Variants in PIEZO2 observed in about 807,000 individuals in gnomAD.
The protein encoded by PIEZO2 is piezo-type mechanosensitive ion channel component 2.
A neutral mutation model predicts 337.3 loss-of-function variants in PIEZO2; 172 were observed. The observed-to-expected ratio is 0.51, with a 90% CI of 0.45 to 0.58. PIEZO2 has a LOEUF of 0.58. Ranked by LOEUF, PIEZO2 falls within the 20% of genes least tolerant of loss-of-function variation. The pLI is 0.00. For synonymous variants in PIEZO2, 1,251 were observed against 1,228.5 expected (o/e 1.02, Z -0.38); for missense variants, 3,028 against 3,391.3 (o/e 0.89, Z 2.66).
rs1037821334 is a variant in PIEZO2, at chr18:10,988,949, G to A, written c.161-9289C>T. 1.1e-4 allele frequency among the ~76,000 whole-genome samples: 17 copies of A among 152,008 alleles called. No individual in the cohort carries two copies. The highest frequency in any genetic ancestry group is 4.1e-4 in the African/African-American group (17 of 41,392). On this transcript the variant is annotated intron_variant, in intron 2 of 55. Coordinates refer to ENST00000674853, the MANE Select transcript of PIEZO2 (RefSeq NM_001378183.1). This position sits in a 1 kb window ranked among gnomAD's most constrained non-coding sequence, Gnocchi z 4.8. ...GGGGGTGGAGAGCAGGGAAATGGGA[G>A]GCAATTGTCAAAAGGTACAAAGTTT...
rs140642810 is a variant in PIEZO2 at position 10,953,855 on chromosome 18, A to C, written c.286+25680T>G. Among the ~76,000 whole-genome samples the C allele has an allele frequency of 6.6e-6, 1 of 152,230 alleles. No individual in the cohort carries two copies. Among genetic ancestry groups the C allele is most frequent in the Non-Finnish European group, 1.5e-5 (1 of 68,036 alleles). On this transcript the variant is annotated intron_variant, in intron 3 of 55. Transcript: ENST00000674853. The surrounding 1 kb of genome is among the most constrained non-coding windows in gnomAD (Gnocchi z 5.2). ...GCAGCAAGAGAGAGGCAGGCTTTGA[A>C]TATCAACAGCACAGGGTGCCCCTGG...
intron 2 of PIEZO2, among the ~76,000 whole-genome samples, chr18:11,011,129 T>A (rs945516998): frequency 1.3e-5 from 2 of 152,236 alleles, no homozygotes; most frequent in Non-Finnish European, 2.9e-5. Flanking sequence ...TCCTAAAGAC[T>A]GCAATGGGAC....
In PIEZO2 at chr18:10,895,672, G is replaced by A. The variant is rs1005084148; in HGVS notation, c.329+15514C>T. On this transcript the variant is annotated intron_variant, in intron 4 of 55. Coordinates refer to ENST00000674853, the MANE Select transcript of PIEZO2 (RefSeq NM_001378183.1). The surrounding 1 kb of genome is among the most constrained non-coding windows in gnomAD (Gnocchi z 4.8). ...CCTCAGTTTAACACCTGGGAAATGGGGCGCTCCCTCTGACCTGCACATTTC... is the reference window on the plus strand; with the variant it reads ...CCTCAGTTTAACACCTGGGAAATGGAGCGCTCCCTCTGACCTGCACATTTC... 6.6e-6 allele frequency among the ~76,000 whole-genome samples: 1 copy of A among 152,086 alleles called. No homozygotes were observed. The highest frequency in any genetic ancestry group is 6.6e-5 in the Admixed American group (1 of 15,266).
In PIEZO2 at chr18:10,872,620, C is replaced by A. The variant is rs570604344; in HGVS notation, c.330-1205G>T. Among the ~76,000 whole-genome samples, 34 of 152,258 alleles carry A rather than the reference C, an allele frequency of 2.2e-4. No homozygotes were observed. The highest frequency in any genetic ancestry group is 6.0e-4 in the African/African-American group (25 of 41,544). On this transcript the variant is annotated intron_variant, in intron 4 of 55. Transcript: ENST00000674853. The surrounding 1 kb of genome is among the most constrained non-coding windows in gnomAD (Gnocchi z 4.3). ...TCCCTCATCCGGTGCTAGATGCCTG[C>A]CCTGTGTGCCTTTGCAACACTGAGC... is the stretch of plus-strand genomic sequence containing the variant.
At position 10,783,121 on chromosome 18, in the gene PIEZO2, G is replaced by A. The variant is rs573965521; in HGVS notation, c.2492+1663C>T. 2.6e-5 allele frequency among the ~76,000 whole-genome samples: 4 copies of A among 152,014 alleles called. No individual in the cohort carries two copies. Among genetic ancestry groups the A allele is most frequent in the South Asian group, 2.1e-4 (1 of 4,812 alleles). The stretch of plus-strand genomic sequence containing the variant: ...AAAAAAAAATGAATATGCAAGAGAA[G>A]AAATGGCATTTGGAAGAAAAAAAAG... On this transcript the variant is annotated intron_variant, in intron 17 of 55. Transcript: ENST00000674853. The surrounding 1 kb of genome is among the most constrained non-coding windows in gnomAD (Gnocchi z 4.3).
chr18:11,078,024 G>A lies in PIEZO2; in HGVS notation c.65-11802C>T, dbSNP rs1031365616. The stretch of plus-strand genomic sequence containing the variant: ...CACATACACGCAAAAACACATGTGC[G>A]TGCACACACACCCACACACACCCAC... On this transcript the variant is annotated intron_variant, in intron 1 of 55. Transcript: ENST00000674853. This position sits in a 1 kb window ranked among gnomAD's most constrained non-coding sequence, Gnocchi z 5.3. 7.1e-6 allele frequency among the ~76,000 whole-genome samples: 1 copy of A among 140,202 alleles called. No individual in the cohort carries two copies. The highest frequency in any genetic ancestry group is 1.5e-5 in the Non-Finnish European group (1 of 65,958). The allele number at this position is 140,202 out of a possible 152,430, so 92.0% of individuals were successfully genotyped here.
At chr18:10,961,975 G>T (rs2033802140) in intron 3 of PIEZO2, among the ~76,000 whole-genome samples, 1 of 152,088 alleles carries the variant, frequency 6.6e-6, no homozygotes, top group Non-Finnish European at 1.5e-5. Context: ...GGCTTTCCCT[G>T]GAGGGTGTGT....
At chr18:10,689,080 T>A (rs73395392) in intron 49 of PIEZO2, among the ~76,000 whole-genome samples, 1,581 of 152,326 alleles carry the variant, frequency 0.01, 27 homozygotes, top group African/African-American at 0.036. Flanking sequence ...AGACATTTCA[T>A]ATCACCCCAG....
intron 1 of PIEZO2, among the ~76,000 whole-genome samples, chr18:11,095,140 G>A (rs2039226474): frequency 6.6e-6 from 1 of 152,206 alleles, no homozygotes; most frequent in Non-Finnish European, 1.5e-5. Context: ...CATGGAATGA[G>A]TGAAAATGGC....
intron 34 of PIEZO2, among the ~76,000 whole-genome samples, 160 bp downstream of exon 34, chr18:10,736,444 A>G (rs2036997812): frequency 6.6e-6 from 1 of 151,866 alleles, no homozygotes; most frequent in African/African-American, 2.4e-5. Flanking sequence ...AGCAGGCATC[A>G]TTACAATTTA....
chr18:10,875,528 T>C (rs1247462616), intron 4 of PIEZO2, among the ~76,000 whole-genome samples: 1 of 152,110 alleles, frequency 6.6e-6, no homozygotes, highest in Non-Finnish European at 1.5e-5. Flanking sequence ...TAGTAGTAGG[T>C]TGGTACTACT....
chr18:11,104,741 T>C lies in PIEZO2; in HGVS notation c.65-38519A>G, dbSNP rs1197703035. Among the ~76,000 whole-genome samples, 2 of 152,220 alleles carry C rather than the reference T, an allele frequency of 1.3e-5. No individual in the cohort carries two copies. The highest frequency in any genetic ancestry group is 1.3e-4 in the Admixed American group (2 of 15,292). ...GCAGGCAAGAAATTAACCTTTGTTG[T>C]TGCAAAGCACTGAGATGTTGGGACA... On this transcript the variant is annotated intron_variant, in intron 1 of 55. Transcript: ENST00000674853. This position sits in a 1 kb window ranked among gnomAD's most constrained non-coding sequence, Gnocchi z 4.6.
At position 10,821,119 on chromosome 18, in the gene PIEZO2, C is replaced by A. The variant is rs2040509681; in HGVS notation, c.918-13845G>T. ...TTCTCCTCTCCATTACTCTGTGCCA[C>A]AAATATCAGCCTTCTCATCCTCTCC... is the stretch of plus-strand genomic sequence containing the variant. On this transcript the variant is annotated intron_variant, in intron 7 of 55. Coordinates refer to ENST00000674853, the MANE Select transcript of PIEZO2 (RefSeq NM_001378183.1). The surrounding 1 kb of genome is among the most constrained non-coding windows in gnomAD (Gnocchi z 4.2). Among the ~76,000 whole-genome samples the A allele has an allele frequency of 6.6e-6, 1 of 152,164 alleles. No homozygotes were observed. Among genetic ancestry groups the A allele is most frequent in the African/African-American group, 2.4e-5 (1 of 41,448 alleles).
intron 7 of PIEZO2, among the ~76,000 whole-genome samples, chr18:10,808,985 T>C (rs1381441922): frequency 6.6e-6 from 1 of 152,222 alleles, no homozygotes; most frequent in Non-Finnish European, 1.5e-5. Context: ...AGAATTTTAA[T>C]TGTAATTTTC....
In PIEZO2 at chr18:10,773,409, T is replaced by A; in HGVS notation, c.2785+3A>T. ...GACCAGCTGCTGGTAGTGGGCTGAT[T>A]ACCTGATGTTTCTTCCTCCTCCTCG... On this transcript the variant is annotated splice_donor_region_variant and intron_variant, in intron 20 of 55. Transcript: ENST00000674853. The surrounding 1 kb of genome is among the most constrained non-coding windows in gnomAD (Gnocchi z 5.3). 6.5e-7 allele frequency: 1 copy of A among 1,537,288 alleles called. No individual in the cohort carries two copies. Among genetic ancestry groups the A allele is most frequent in the Non-Finnish European group, 8.7e-7 (1 of 1,146,918 alleles).
chr18:11,051,364 T>TGTGTGTGTGTGTGTGTGGGTGTGG (rs1288310705), intron 2 of PIEZO2, among the ~76,000 whole-genome samples: 1 of 151,856 alleles, frequency 6.6e-6, no homozygotes, highest in Admixed American at 6.6e-5. Context: ...TGTGTGTGTG[T>TGTGTGTGTGTGTGTGTGGGTGTGG]GTGTGGGTGT....
rs577826161 is a variant in PIEZO2 at position 10,746,718 on chromosome 18, G to T, written c.4424+1753C>A. On this transcript the variant is annotated intron_variant, in intron 30 of 55. Transcript: ENST00000674853. This position sits in a 1 kb window ranked among gnomAD's most constrained non-coding sequence, Gnocchi z 4.2. ...ATCTTTATAAAAGAAGCCCAAGGGG[G>T]GTCTCTTGCCCCTTCCACCAAAATA... Among the ~76,000 whole-genome samples, 2 of 152,254 alleles carry T rather than the reference G, an allele frequency of 1.3e-5. No homozygotes were observed. The highest frequency in any genetic ancestry group is 4.8e-5 in the African/African-American group (2 of 41,534).
chr18:11,149,182 C>A lies in PIEZO2; in HGVS notation c.-594G>T, dbSNP rs1016619479. Among the ~76,000 whole-genome samples the A allele has an allele frequency of 1.3e-5, 2 of 152,080 alleles. No individual in the cohort carries two copies. Among genetic ancestry groups the A allele is most frequent in the African/African-American group, 4.8e-5 (2 of 41,432 alleles). ...GCTCCGGGTCTCGCCCTCCAGCCCC[C>A]AGGCGGCCCGCGGCGGATCCCCGAG... On this transcript the variant is annotated 5_prime_UTR_variant, in exon 1 of 56. Transcript: ENST00000674853. This position sits in a 1 kb window ranked among gnomAD's most constrained non-coding sequence, Gnocchi z 8.7.
chr18:10,704,472 G>A lies in PIEZO2; in HGVS notation c.6180C>T (p.Ile2060=). The change falls in exon 42 of 56, where the codon ATC becomes ATT. Residue 2060 remains isoleucine (I), a synonymous_variant. Coordinates refer to ENST00000674853, the MANE Select transcript of PIEZO2 (RefSeq NM_001378183.1). ...ACAACATGGCCCAGAGGAAGATGAG[G>A]ATGGGAAGCAGGAGCGTGATCATGG... ...SASMITLLLP[I]LIFLWAMLSV... 2 of 1,537,276 alleles carry A rather than the reference G, an allele frequency of 1.3e-6. No homozygotes were observed. The highest frequency in any genetic ancestry group is 1.7e-6 in the Non-Finnish European group (2 of 1,146,918).
Sources: allele counts gnomAD v4.1 joint callset (sites outside exome capture counted in the v4.1 genomes callset), GRCh38; gene constraint gnomAD v4.1.1; non-coding constraint Gnocchi (gnomAD v3.1); transcripts MANE v1.5; gene names NCBI Gene and HGNC (gene_info 2026-07-23, HGNC 2026-07-21).